RYR3: variants seen among roughly 807,000 people sequenced by gnomAD.
RYR3 encodes the protein ryanodine receptor 3, also known as brain ryanodine receptor-calcium release channel.
A neutral mutation model predicts 584.3 loss-of-function variants in RYR3; 207 were observed. That is an observed-to-expected ratio of 0.35 (90% CI 0.32 to 0.40). RYR3 has a LOEUF of 0.40. Ranked by LOEUF, RYR3 falls within the 10% of genes least tolerant of loss-of-function variation. The pLI is 1.00. For missense variants in RYR3, 5,616 were observed against 6,089.2 expected (o/e 0.92, Z 2.59); for synonymous variants, 2,416 against 2,248.5 (o/e 1.07, Z -2.11).
Position 33,402,324 on chromosome 15 carries a change from T to C in RYR3, c.52-71095T>C, listed in dbSNP as rs570366480. ...ACAGGTTACAGATGAAGAAGAGCCATGAATAACACAGCTGAAGCGGCATGG... is the reference window on the plus strand; with the variant it reads ...ACAGGTTACAGATGAAGAAGAGCCACGAATAACACAGCTGAAGCGGCATGG... On this transcript the variant is annotated intron_variant, in intron 1 of 103. Coordinates refer to ENST00000634891, the MANE Select transcript of RYR3 (RefSeq NM_001036.6). Among the ~76,000 whole-genome samples the C allele has an allele frequency of 1.2e-4, 18 of 152,262 alleles. No homozygotes were observed. The East Asian group carries it at 3.1e-3, about 26-fold the overall frequency.
chr15:33,741,143 T>A (rs1026948094), intron 51 of RYR3, among the ~76,000 whole-genome samples: 4 of 152,244 alleles, frequency 2.6e-5, no homozygotes, highest in African/African-American at 9.6e-5. Context: ...TCAGATTTAT[T>A]CCAGTGTACC....
At chr15:33,634,209 A>G (rs1200342321) in intron 24 of RYR3, among the ~76,000 whole-genome samples, 1 of 151,826 alleles carries the variant, frequency 6.6e-6, no homozygotes, top group African/African-American at 2.4e-5. Flanking sequence ...GTGCCACCAC[A>G]TCGAGCTAAT....
At chr15:33,317,964 A>G (rs1968430082) in intron 1 of RYR3, among the ~76,000 whole-genome samples, 1 of 152,224 alleles carries the variant, frequency 6.6e-6, no homozygotes, top group Admixed American at 6.5e-5. Context: ...AGTCTTGTCA[A>G]TACTTGAGGA....
rs1474394036 is a variant in RYR3, at chr15:33,603,324, C to T, written c.2124C>T (p.Asp708=). ...GGGGAGGCAATGGTGTTGGTGACGA[C>T]CTGTACTCCTATGGCTTTGATGGAC... is the stretch of plus-strand genomic sequence containing the variant. ...EGWGGNGVGD[D]LYSYGFDGLH... The change falls in exon 18 of 104, where the codon GAC becomes GAT. Residue 708 remains aspartate, a synonymous_variant. Transcript: ENST00000634891. 1.2e-6 allele frequency: 2 copies of T among 1,611,320 alleles called. No homozygotes were observed. Among genetic ancestry groups the T allele is most frequent in the African/African-American group, 1.3e-5 (1 of 74,878 alleles).
At chr15:33,429,312 A>C (rs1368906962) in intron 1 of RYR3, among the ~76,000 whole-genome samples, 1 of 152,198 alleles carries the variant, frequency 6.6e-6, no homozygotes, top group Admixed American at 6.5e-5. Flanking sequence ...AGTACCCTAC[A>C]TTAGCCAAGT....
At chr15:33,448,790 G>T (rs1051782398) in intron 1 of RYR3, among the ~76,000 whole-genome samples, 7 of 152,116 alleles carry the variant, frequency 4.6e-5, no homozygotes, top group African/African-American at 1.7e-4. Flanking sequence ...AGGCTGACAG[G>T]TGGCAGGACC....
At chr15:33,315,051 T>C (rs1967959917) in intron 1 of RYR3, among the ~76,000 whole-genome samples, 1 of 152,192 alleles carries the variant, frequency 6.6e-6, no homozygotes, top group Non-Finnish European at 1.5e-5. Flanking sequence ...GACCTCCCCA[T>C]AGAAAGTTGT....
At chr15:33,316,052 G>A (rs1242265869) in intron 1 of RYR3, among the ~76,000 whole-genome samples, 2 of 152,134 alleles carry the variant, frequency 1.3e-5, no homozygotes, top group South Asian at 4.2e-4. Flanking sequence ...TATTTCACAA[G>A]TGAAAATTTT....
chr15:33,506,886 A>G (rs569909633), intron 3 of RYR3, among the ~76,000 whole-genome samples: 1 of 152,322 alleles, frequency 6.6e-6, no homozygotes, highest in South Asian at 2.1e-4. Context: ...AAAAGAGGAA[A>G]AATAAAGAAG....
intron 2 of RYR3, among the ~76,000 whole-genome samples, chr15:33,500,856 T>C (rs1367451625): frequency 2.0e-5 from 3 of 152,234 alleles, no homozygotes; most frequent in Non-Finnish European, 2.9e-5. Flanking sequence ...GGATGGCAGC[T>C]GGCATAGCAG....
intron 4 of RYR3, among the ~76,000 whole-genome samples, chr15:33,532,177 C>G (rs1352189478): frequency 6.6e-6 from 1 of 152,200 alleles, no homozygotes; most frequent in African/African-American, 2.4e-5. Context: ...ATCCCAAGAG[C>G]TTACCTGCCT....
chr15:33,386,948 C>T (rs1430796614), intron 1 of RYR3, among the ~76,000 whole-genome samples: 1 of 152,090 alleles, frequency 6.6e-6, no homozygotes, highest in Admixed American at 6.5e-5. Context: ...AGCTCCGCCT[C>T]CCAGGTTCAT....
At chr15:33,505,628 A>G (rs1203113665) in intron 3 of RYR3, among the ~76,000 whole-genome samples, 1 of 152,144 alleles carries the variant, frequency 6.6e-6, no homozygotes, top group Non-Finnish European at 1.5e-5. Context: ...AGTAGCTGGG[A>G]CTACAGGCGC....
intron 2 of RYR3, among the ~76,000 whole-genome samples, chr15:33,488,609 T>TC (rs1352702485): frequency 1.3e-5 from 2 of 152,110 alleles, no homozygotes; most frequent in East Asian, 3.9e-4. Flanking sequence ...ATCCCAGCAC[T>TC]TGGGAGGACA....
At chr15:33,346,815 T>C (rs571584025) in intron 1 of RYR3, among the ~76,000 whole-genome samples, 102 of 152,308 alleles carry the variant, frequency 6.7e-4, no homozygotes, top group African/African-American at 2.3e-3. Context: ...ACTAGTGTTA[T>C]TGATTTTTAA....
At chr15:33,662,109 GTTC>G (rs2063200170) in intron 34 of RYR3, 41 bp from the exon 35 acceptor site, 1 of 1,482,602 alleles carries the variant, frequency 6.7e-7, no homozygotes, top group African/African-American at 1.4e-5. Context: ...ATTCTGGTGG[GTTC>G]TTCTCCCCCT....
chr15:33,338,069 C>T (rs1012434559), intron 1 of RYR3, among the ~76,000 whole-genome samples: 1 of 151,440 alleles, frequency 6.6e-6, no homozygotes, highest in Non-Finnish European at 1.5e-5. Flanking sequence ...CTCAGCCTCC[C>T]GAGTAGCTGG....
chr15:33,656,366 G>A (rs957928909), intron 32 of RYR3, among the ~76,000 whole-genome samples: 1 of 152,184 alleles, frequency 6.6e-6, no homozygotes, highest in Non-Finnish European at 1.5e-5. Context: ...TGAGGGCAGA[G>A]GCCCTCTCCT....
At chr15:33,709,457 TA>T (rs2066940000) in intron 43 of RYR3, among the ~76,000 whole-genome samples, 1 of 152,230 alleles carries the variant, frequency 6.6e-6, no homozygotes, top group South Asian at 2.1e-4. Context: ...TGCTATTGTT[TA>T]AATGTGTCCC....
Sources: gnomAD v4.1 joint callset for allele counts (sites outside exome capture counted in the v4.1 genomes callset) on GRCh38, gnomAD v4.1.1 for gene constraint, MANE v1.5 for transcripts, NCBI Gene and HGNC (gene_info 2026-07-23, HGNC 2026-07-21) for gene names.